The following TMEM132D variants were observed in gnomAD, a reference collection of about 807,000 sequenced individuals.
TMEM132D encodes the protein transmembrane protein 132D.
In TMEM132D, 21 loss-of-function variants were observed where a neutral mutation model predicts 62.3. The observed-to-expected ratio is 0.34, with a 90% confidence interval of 0.24 to 0.49. The LOEUF is 0.49. Ranked by LOEUF, TMEM132D falls within the 20% of genes least tolerant of loss-of-function variation. The pLI is 0.99. For synonymous variants in TMEM132D, 621 were observed against 575.6 expected (o/e 1.08, Z -1.13); for missense variants, 1,346 against 1,402.8 (o/e 0.96, Z 0.65).
Position 129,073,796 on chromosome 12 carries a change from T to C in TMEM132D, c.*79A>G, listed in dbSNP as rs1874152381. On this transcript the variant is annotated 3_prime_UTR_variant, in exon 9 of 9. Coordinates refer to ENST00000422113, the MANE Select transcript of TMEM132D (RefSeq NM_133448.3). Reference sequence around the variant, plus strand: ...ATTTTGTCCTGCTGCTTTGTTTCTCTTCCGGGGGCACCGTTGCTACACATC... The same window carrying C: ...ATTTTGTCCTGCTGCTTTGTTTCTCCTCCGGGGGCACCGTTGCTACACATC... The C allele has an allele frequency of 4.3e-5, 55 of 1,294,096 alleles. No homozygotes were observed. The South Asian group carries it at 7.6e-4, about 18-fold the overall frequency. The allele number at this position is 1,294,096 out of a possible 1,614,324, so 80.2% of individuals were successfully genotyped here. A position where few individuals can be genotyped will look rare whatever the true frequency, so the allele number is the denominator to read the frequency against.
chr12:129,683,305 A>G (rs1011062990), intron 2 of TMEM132D, among the ~76,000 whole-genome samples: 2 of 152,234 alleles, frequency 1.3e-5, no homozygotes, highest in Admixed American at 6.5e-5. Flanking sequence ...CAGTTGTTTA[A>G]CCTTTTTTGT....
intron 1 of TMEM132D, among the ~76,000 whole-genome samples, chr12:129,798,306 T>G (rs1018658760): frequency 6.6e-6 from 1 of 152,180 alleles, no homozygotes; most frequent in East Asian, 1.9e-4. Context: ...GGAGTCAGAT[T>G]TTTTTAAAGG....
rs1875425666 is a variant in TMEM132D, at chr12:129,903,172, C to A, written c.79+89G>T. 7.2e-7 allele frequency: 1 copy of A among 1,383,500 alleles called. No homozygotes were observed. The highest frequency in any genetic ancestry group is 2.0e-5 in the Admixed American group (1 of 49,226). The allele number at this position is 1,383,500 out of a possible 1,614,324, so 85.7% of individuals were successfully genotyped here. On this transcript the variant is annotated intron_variant, in intron 1 of 8. Transcript: ENST00000422113. The surrounding 1 kb of genome is among the most constrained non-coding windows in gnomAD (Gnocchi z 6.2). ...ACACACACTTGCACACGAGCCCTCTCTCCCGGCCGCCCCCATCCTCCACAC... is the reference window on the plus strand; with the variant it reads ...ACACACACTTGCACACGAGCCCTCTATCCCGGCCGCCCCCATCCTCCACAC...
chr12:129,275,527 G>A (rs1470688799), intron 4 of TMEM132D, among the ~76,000 whole-genome samples: 2 of 152,048 alleles, frequency 1.3e-5, no homozygotes, highest in East Asian at 1.9e-4. Flanking sequence ...CAAACTACAC[G>A]CTCAGGAAAC....
intron 2 of TMEM132D, among the ~76,000 whole-genome samples, chr12:129,657,954 T>G (rs1880135945): frequency 6.6e-6 from 1 of 152,218 alleles, no homozygotes. Flanking sequence ...AGGTTCTGAG[T>G]TGCAGAGTAA....
intron 3 of TMEM132D, among the ~76,000 whole-genome samples, chr12:129,507,150 C>T (rs537637260): frequency 3.3e-5 from 5 of 152,036 alleles, no homozygotes; most frequent in Non-Finnish European, 5.9e-5. Context: ...ATCAAAACCA[C>T]AATGTGATAC....
At chr12:129,496,262 TGA>T (rs1874953257) in intron 3 of TMEM132D, among the ~76,000 whole-genome samples, 1 of 151,326 alleles carries the variant, frequency 6.6e-6, no homozygotes. Context: ...ACGGCAGGGG[TGA>T]GTTTTCAGGT....
chr12:129,816,721 C>T (rs938206246), intron 1 of TMEM132D, among the ~76,000 whole-genome samples: 2 of 152,162 alleles, frequency 1.3e-5, no homozygotes, highest in African/African-American at 4.8e-5. Context: ...ACGTGTGTCA[C>T]GGACTTATTG....
chr12:129,568,900 A>C (rs1877437676), intron 2 of TMEM132D, among the ~76,000 whole-genome samples: 1 of 152,184 alleles, frequency 6.6e-6, no homozygotes, highest in Admixed American at 6.5e-5. Context: ...CCACTCTTAA[A>C]GCAGTGACTC....
chr12:129,086,277 A>G (rs1404891878), intron 5 of TMEM132D, among the ~76,000 whole-genome samples: 2 of 152,106 alleles, frequency 1.3e-5, no homozygotes, highest in African/African-American at 4.8e-5. Flanking sequence ...TAGGGCGTCC[A>G]CATGGAGTTT....
At chr12:129,761,971 G>A (rs1870394490) in intron 1 of TMEM132D, among the ~76,000 whole-genome samples, 1 of 152,144 alleles carries the variant, frequency 6.6e-6, no homozygotes, top group African/African-American at 2.4e-5. Context: ...GGATTAAAGT[G>A]CTCACAACAC....
At chr12:129,161,255 T>C (rs771133515) in intron 5 of TMEM132D, among the ~76,000 whole-genome samples, 7 of 152,182 alleles carry the variant, frequency 4.6e-5, no homozygotes, top group African/African-American at 4.8e-5. Flanking sequence ...TCATTTATTC[T>C]AAATAAATGG....
intron 5 of TMEM132D, among the ~76,000 whole-genome samples, chr12:129,180,042 A>T (rs1878021055): frequency 6.6e-6 from 1 of 151,314 alleles, no homozygotes; most frequent in Non-Finnish European, 1.5e-5. Context: ...AGAAAATAAA[A>T]AAAAAAAAAG....
At chr12:129,459,578 C>A (rs947287852) in intron 3 of TMEM132D, among the ~76,000 whole-genome samples, 1 of 152,084 alleles carries the variant, frequency 6.6e-6, no homozygotes, top group Admixed American at 6.6e-5. Flanking sequence ...AGAGAAGTGG[C>A]CAGGAGCAAG....
intron 2 of TMEM132D, among the ~76,000 whole-genome samples, chr12:129,684,104 TC>T (rs1177445399): frequency 2.0e-5 from 3 of 151,792 alleles, no homozygotes; most frequent in African/African-American, 7.3e-5. Flanking sequence ...TGTCTATAAA[TC>T]CCCCCAAATA....
At chr12:129,295,450 G>C (rs866586889) in intron 4 of TMEM132D, among the ~76,000 whole-genome samples, 1 of 112,286 alleles carries the variant, frequency 8.9e-6, no homozygotes, top group African/African-American at 3.3e-5. Flanking sequence ...TTTTTTTTGA[G>C]ACAGTATCTC....
chr12:129,738,233 GA>G (rs1480766576), intron 1 of TMEM132D, among the ~76,000 whole-genome samples: 8 of 152,154 alleles, frequency 5.3e-5, no homozygotes, highest in African/African-American at 1.9e-4. Context: ...GCTGCATAAT[GA>G]ATGGAATGAA....
chr12:129,351,077 G>A lies in TMEM132D; in HGVS notation c.1116-13260C>T, dbSNP rs1372117149. ...CCCTTCTTCTAACAGACCAGATGTG[G>A]ATGGGATGGCAAGATAATCTGCCAA... On this transcript the variant is annotated intron_variant, in intron 3 of 8. Coordinates refer to ENST00000422113, the MANE Select transcript of TMEM132D (RefSeq NM_133448.3). 2.6e-5 allele frequency among the ~76,000 whole-genome samples: 4 copies of A among 152,184 alleles called. No individual in the cohort carries two copies. In the East Asian group the frequency reaches 7.7e-4, roughly 29 times the overall value.
intron 1 of TMEM132D, among the ~76,000 whole-genome samples, chr12:129,872,352 C>T (rs1874275560): frequency 6.6e-6 from 1 of 152,154 alleles, no homozygotes; most frequent in Admixed American, 6.5e-5. Context: ...CTGACAGCAT[C>T]GTGAACGTGA....
Sources: allele counts gnomAD v4.1 joint callset (sites outside exome capture counted in the v4.1 genomes callset), GRCh38; gene constraint gnomAD v4.1.1; non-coding constraint Gnocchi (gnomAD v3.1); transcripts MANE v1.5; gene names NCBI Gene and HGNC (gene_info 2026-07-23, HGNC 2026-07-21).